Variants in GAS6 observed in about 807,000 individuals in gnomAD.
GAS6 encodes growth arrest-specific protein 6.
In GAS6, 41 loss-of-function variants were observed where a neutral mutation model predicts 75.8. The ratio of observed to expected loss-of-function variants is 0.54; its 90% CI spans 0.42 to 0.70. GAS6 has a LOEUF of 0.70. GAS6 is among the 30% of genes least tolerant of loss of function. The pLI, the probability that GAS6 is intolerant of heterozygous loss-of-function variation, is 0.00. For synonymous variants in GAS6, 432 were observed against 412.6 expected, an observed-to-expected ratio of 1.05 and a Z score of -0.57; for missense variants, 854 against 940.2, an observed-to-expected ratio of 0.91 and a Z score of 1.20.
chr13:113,833,357 CCCTGAACGTCGCAGCCCAGA>C, intron 8 of GAS6: 1 of 999,104 alleles, frequency 1.0e-6, no homozygotes, highest in Non-Finnish European at 1.2e-6. Context: ...TGGCTGGAAG[CCCTGAACGTCGCAGCCCAGA>C]CCCAAGAGCC....
At position 113,832,536 on chromosome 13, in the gene GAS6, C is replaced by A. The variant is rs946016412; in HGVS notation, c.954-48G>T. 3 of 1,594,522 alleles carry A rather than the reference C, an allele frequency of 1.9e-6. No individual in the cohort carries two copies. The African/African-American group carries it at 4.0e-5, about 21-fold the overall frequency. On this transcript the variant is annotated intron_variant, in intron 9 of 14. Transcript: ENST00000327773. Reference sequence around the variant, plus strand: ...AGTCAGCACTGGGCACAGGCAGATGCCCGGCCCCTCCCTGCTGGCCGAACC... The same window carrying A: ...AGTCAGCACTGGGCACAGGCAGATGACCGGCCCCTCCCTGCTGGCCGAACC...
rs973644731 is a variant in GAS6 at position 113,855,652 on chromosome 13, C to T, written c.256-7602G>A. On this transcript the variant is annotated intron_variant, in intron 2 of 14. Transcript: ENST00000327773. ...CGCCGGTGTGCCACTGCCGCTTCTG[C>T]GCCGGGAGTCACGCCCCGGCCTCTC... Among the ~76,000 whole-genome samples, 14 of 152,272 alleles carry T rather than the reference C, an allele frequency of 9.2e-5. No individual in the cohort carries two copies. In the East Asian group the frequency reaches 1.2e-3, roughly 13 times the overall value.
At chr13:113,862,187 G>A (rs1275750977) in intron 2 of GAS6, among the ~76,000 whole-genome samples, 1 of 152,194 alleles carries the variant, frequency 6.6e-6, no homozygotes, top group African/African-American at 2.4e-5. Context: ...GATTGACATG[G>A]GCCCTGCAGG....
At chr13:113,860,610 C>T (rs766331295) in intron 2 of GAS6, among the ~76,000 whole-genome samples, 16 of 152,230 alleles carry the variant, frequency 1.1e-4, no homozygotes, top group African/African-American at 3.4e-4. Flanking sequence ...ATTAGAAACT[C>T]GGGCAAGGAA....
intron 2 of GAS6, among the ~76,000 whole-genome samples, chr13:113,861,944 G>T (rs2051975183): frequency 6.6e-6 from 1 of 152,160 alleles, no homozygotes; most frequent in Non-Finnish European, 1.5e-5. Context: ...ATGCCTCCCG[G>T]GCACCAAAGC....
Position 113,820,914 on chromosome 13 carries a change from T to C in GAS6, c.1987A>G (p.Ser663Gly). 1 of 1,612,250 alleles carries C rather than the reference T, an allele frequency of 6.2e-7. No homozygotes were observed. The highest frequency in any genetic ancestry group is 1.3e-5 in the African/African-American group (1 of 75,034). The change falls in exon 15 of 15, where the codon AGC (serine) becomes GGC (glycine). Residue 663 changes from serine (S) to glycine (G), a missense_variant. By Grantham distance (56) the Ser-to-Gly change is moderately conservative. Coordinates refer to ENST00000327773, the MANE Select transcript of GAS6 (RefSeq NM_000820.4). ...GGGCAGGAGTGGGCCGTGATGTCGC[T>C]GTGCTTGTACGCCGCCTCGTCCAGG... ...LDLDEAAYKH[S>G]DITAHSCPPV...
rs377242538 is a variant in GAS6 at position 113,832,386 on chromosome 13, G to A, written c.1056C>T (p.Ala352=). The change falls in exon 10 of 15, where the codon GCC becomes GCT. Residue 352 remains alanine, a synonymous_variant. Coordinates refer to ENST00000327773, the MANE Select transcript of GAS6 (RefSeq NM_000820.4). ...AGCGCAGCTGCAGCTCCAGCCGGCC[G>A]GCTCTCAGGGCCAGCACGATCCAGG... is the stretch of plus-strand genomic sequence containing the variant. ...DSTWIVLALR[A]GRLELQLRYN... 53 of 1,611,598 alleles carry A rather than the reference G, an allele frequency of 3.3e-5. No homozygotes were observed. The highest frequency in any genetic ancestry group is 5.5e-5 in the South Asian group (5 of 91,058).
chr13:113,827,793 C>T (rs973970696), intron 11 of GAS6, among the ~76,000 whole-genome samples: 3 of 152,126 alleles, frequency 2.0e-5, no homozygotes, highest in African/African-American at 4.8e-5. Context: ...GACGTCAGCA[C>T]GTGGGGGCTG....
At chr13:113,824,861 A>G (rs1347022160) in intron 12 of GAS6, among the ~76,000 whole-genome samples, 1 of 152,234 alleles carries the variant, frequency 6.6e-6, no homozygotes, top group Non-Finnish European at 1.5e-5. Context: ...AGTAACAACA[A>G]AAAGTCTCCT....
At position 113,861,320 on chromosome 13, in the gene GAS6, C is replaced by G. The variant is rs142864585; in HGVS notation, c.255+2255G>C. Among the ~76,000 whole-genome samples the G allele has an allele frequency of 4.0e-3, 603 of 152,208 alleles. 1 individual carries two copies. Among genetic ancestry groups the G allele is most frequent in the African/African-American group, 0.012 (500 of 41,520 alleles). ...CTAAAATGGCAGGGGGCTGGGACCA[C>G]CTTCCCTACAACCACCCGTGGAGGA... On this transcript the variant is annotated intron_variant, in intron 2 of 14. Transcript: ENST00000327773.
rs1464474989 is a variant in GAS6 at position 113,837,070 on chromosome 13, T to C, written c.589+999A>G. Among the ~76,000 whole-genome samples, 6 of 151,808 alleles carry C rather than the reference T, an allele frequency of 4.0e-5. No homozygotes were observed. The highest frequency in any genetic ancestry group is 1.5e-4 in the African/African-American group (6 of 41,284). ...ACGTCATCTCTCAGGATCGGCCTAG[T>C]CTTCACCTCTCTTTAAACCTGGGGT... On this transcript the variant is annotated intron_variant, in intron 6 of 14. Coordinates refer to ENST00000327773, the MANE Select transcript of GAS6 (RefSeq NM_000820.4). This position sits in a 1 kb window ranked among gnomAD's most constrained non-coding sequence, Gnocchi z 5.1.
chr13:113,846,010 T>C (rs1285755475), intron 4 of GAS6, among the ~76,000 whole-genome samples: 2 of 152,220 alleles, frequency 1.3e-5, no homozygotes, highest in African/African-American at 4.8e-5. Context: ...GTTTAAATGA[T>C]GGAAATTGGA....
chr13:113,835,822 A>C, intron 6 of GAS6, 187 bp from the exon 7 acceptor site: 6 of 1,375,576 alleles, frequency 4.4e-6, no homozygotes, highest in South Asian at 1.7e-5. Context: ...GTGTTGGTGC[A>C]CGCTTCTGAT....
At chr13:113,822,339 CTG>C (rs969588885) in intron 13 of GAS6, 153 bp from the exon 14 acceptor site, 45 of 553,280 alleles carry the variant, frequency 8.1e-5, no homozygotes, top group African/African-American at 2.5e-4. Flanking sequence ...TGCTCGCTGA[CTG>C]TGGATGACAC....
In GAS6 at chr13:113,848,175, G is replaced by C. The variant is rs2051848620; in HGVS notation, c.256-125C>G. 2 of 931,668 alleles carry C rather than the reference G, an allele frequency of 2.1e-6. No individual in the cohort carries two copies. The highest frequency in any genetic ancestry group is 1.7e-5 in the African/African-American group (1 of 59,760). 57.7% of individuals were successfully genotyped at this position (931,668 alleles called of 1,614,324 possible). On this transcript the variant is annotated intron_variant, in intron 2 of 14. Coordinates refer to ENST00000327773, the MANE Select transcript of GAS6 (RefSeq NM_000820.4). This position sits in a 1 kb window ranked among gnomAD's most constrained non-coding sequence, Gnocchi z 4.8. ...GGCAGCCAGAGGGCCGCCCCACCCG[G>C]GGAACTGAGGGGAAGTGACCGGGGC...
chr13:113,821,958 C>A lies in GAS6; in HGVS notation c.1882G>T (p.Asp628Tyr). The A allele has an allele frequency of 6.5e-7, 1 of 1,528,920 alleles. No homozygotes were observed. The highest frequency in any genetic ancestry group is 2.1e-4 in the Middle Eastern group (1 of 4,694). 94.7% of individuals were successfully genotyped at this position (1,528,920 alleles called of 1,614,324 possible). A position where few individuals can be genotyped will look rare whatever the true frequency, so the allele number is the denominator to read the frequency against. ...GTTGAGCGGAGCAGGGAGCACCTAC[C>A]TGGCAGGCCGCCAGCAAAGGTGAGC... ...PVLTFAGGLP[D>Y]VPVTSAPVTA... is the part of the protein sequence containing the mutation. Residue 628 changes from aspartate to tyrosine, a missense_variant and splice_region_variant, in exon 14 of 15, where the codon GAT (aspartate) becomes TAT (tyrosine). Asp to Tyr is a radical substitution (Grantham distance 160). Coordinates refer to ENST00000327773, the MANE Select transcript of GAS6 (RefSeq NM_000820.4).
At chr13:113,847,449 C>T (rs114013224) in intron 3 of GAS6, among the ~76,000 whole-genome samples, 382 of 152,314 alleles carry the variant, frequency 2.5e-3, no homozygotes, top group Admixed American at 3.9e-3. Context: ...GTCAGTTAAA[C>T]GGGCTGACCC....
At chr13:113,862,462 G>A (rs958478239) in intron 2 of GAS6, among the ~76,000 whole-genome samples, 1 of 152,224 alleles carries the variant, frequency 6.6e-6, no homozygotes, top group African/African-American at 2.4e-5. Flanking sequence ...CACAGGCCAG[G>A]ATTCATCATT....
At chr13:113,859,080 G>A (rs546297574) in intron 2 of GAS6, among the ~76,000 whole-genome samples, 1 of 150,450 alleles carries the variant, frequency 6.6e-6, no homozygotes, top group East Asian at 1.9e-4. Context: ...CTATGTGAAT[G>A]TGTGCATGTA....
Sources: gnomAD v4.1 joint callset for allele counts (sites outside exome capture counted in the v4.1 genomes callset) on GRCh38, gnomAD v4.1.1 for gene constraint, Gnocchi (gnomAD v3.1) non-coding constraint, MANE v1.5 for transcripts, NCBI Gene and HGNC (gene_info 2026-07-23, HGNC 2026-07-21) for gene names.